The following USP25 variants were observed in gnomAD, a reference collection of about 807,000 sequenced individuals.
USP25 encodes ubiquitin specific peptidase 25.
Under a neutral mutation model 158.5 loss-of-function variants are expected in USP25, and 85 were observed. The observed-to-expected ratio is 0.54, with a 90% CI of 0.45 to 0.64. The LOEUF is 0.64. Ranked by LOEUF, USP25 falls within the 30% of genes least tolerant of loss-of-function variation. The pLI is 0.00. For synonymous variants in USP25, 464 were observed against 460.4 expected (o/e 1.01, Z -0.10); for missense variants, 1,242 against 1,327.3 (o/e 0.94, Z 1.00).
chr21:15,782,527 A>G (rs2035025076), intron 4 of USP25, among the ~76,000 whole-genome samples: 1 of 152,198 alleles, frequency 6.6e-6, no homozygotes, highest in Admixed American at 6.5e-5. Context: ...GGCCTGCTGC[A>G]TCAGCATGTG....
At chr21:15,835,157 A>G (rs977865410) in intron 17 of USP25, among the ~76,000 whole-genome samples, 1 of 152,178 alleles carries the variant, frequency 6.6e-6, no homozygotes, top group African/African-American at 2.4e-5. Context: ...GGGGCTGCAT[A>G]GTGTACTATA....
intron 9 of USP25, among the ~76,000 whole-genome samples, chr21:15,817,086 C>G (rs989889979): frequency 6.0e-5 from 9 of 149,508 alleles, no homozygotes; most frequent in African/African-American, 2.2e-4. Flanking sequence ...GAGCCGAGAT[C>G]ACACCACTGA....
intron 11 of USP25, 26 bp downstream of exon 11, chr21:15,824,192 T>C (rs997144864): frequency 1.9e-6 from 3 of 1,607,110 alleles, no homozygotes; most frequent in Admixed American, 1.7e-5. Flanking sequence ...CTGCATGACT[T>C]AGTTTGAAAC....
chr21:15,831,816 T>C (rs1346879642), intron 16 of USP25, among the ~76,000 whole-genome samples, 187 bp downstream of exon 16: 1 of 152,208 alleles, frequency 6.6e-6, no homozygotes, highest in Non-Finnish European at 1.5e-5. Flanking sequence ...TATTTTGTAT[T>C]CCAAGTCAAC....
chr21:15,876,971 C>T (rs1410237610), intron 24 of USP25: 2 of 151,918 alleles, frequency 1.3e-5, no homozygotes, highest in Non-Finnish European at 2.9e-5. Flanking sequence ...TCTTATGTTT[C>T]TTATTGCATG....
intron 18 of USP25, 52 bp downstream of exon 18, chr21:15,842,592 C>T (rs2038391787): frequency 6.3e-7 from 1 of 1,597,748 alleles, no homozygotes. Flanking sequence ...ACGACATTTC[C>T]TCCAGTATAG....
At chr21:15,744,586 T>TTTGTTGTTGTTGTTG (rs10635610) in intron 1 of USP25, among the ~76,000 whole-genome samples, 8 of 150,884 alleles carry the variant, frequency 5.3e-5, no homozygotes, top group East Asian at 2.0e-4. Flanking sequence ...GGTCTGCAGT[T>TTTGTTGTTGTTGTTG]TTGTTGTTGT....
intron 4 of USP25, among the ~76,000 whole-genome samples, chr21:15,780,542 TAA>T (rs1486145650): frequency 6.6e-6 from 1 of 152,226 alleles, no homozygotes; most frequent in Non-Finnish European, 1.5e-5. Context: ...AAGATAGTGC[TAA>T]GTTTTCTAGC....
At chr21:15,735,135 C>G (rs774532707) in intron 1 of USP25, among the ~76,000 whole-genome samples, 1 of 152,170 alleles carries the variant, frequency 6.6e-6, no homozygotes, top group Non-Finnish European at 1.5e-5. Flanking sequence ...CCTTGAATTC[C>G]TGATAAAACC....
At chr21:15,851,179 G>A (rs1020301334) in intron 20 of USP25, among the ~76,000 whole-genome samples, 3 of 149,378 alleles carry the variant, frequency 2.0e-5, no homozygotes, top group African/African-American at 7.3e-5. Context: ...AGTTATTTAT[G>A]ATTTACAGTG....
chr21:15,805,928 A>G (rs2036364681), intron 7 of USP25, among the ~76,000 whole-genome samples: 1 of 152,180 alleles, frequency 6.6e-6, no homozygotes, highest in Non-Finnish European at 1.5e-5. Context: ...TAAAGTACAT[A>G]CTTGGATGTG....
chr21:15,777,277 C>G (rs988314799), intron 3 of USP25, among the ~76,000 whole-genome samples: 1 of 152,146 alleles, frequency 6.6e-6, no homozygotes, highest in Non-Finnish European at 1.5e-5. Flanking sequence ...ATTTATTAAG[C>G]AATTCAGATT....
intron 1 of USP25, among the ~76,000 whole-genome samples, chr21:15,755,343 G>A (rs190359976): frequency 5.9e-5 from 9 of 152,240 alleles, no homozygotes; most frequent in East Asian, 1.9e-4. Context: ...GTCACCCACC[G>A]CTTAACACAA....
At chr21:15,852,446 A>C (rs2038932840) in intron 20 of USP25, among the ~76,000 whole-genome samples, 1 of 152,098 alleles carries the variant, frequency 6.6e-6, no homozygotes, top group African/African-American at 2.4e-5. Flanking sequence ...TATTTTATTG[A>C]GTCATTGTGA....
chr21:15,742,494 A>G (rs2032155073), intron 1 of USP25, among the ~76,000 whole-genome samples: 1 of 140,362 alleles, frequency 7.1e-6, no homozygotes, highest in Admixed American at 6.8e-5. Context: ...AGCTACAGAA[A>G]CACTGGGCTG....
intron 18 of USP25, among the ~76,000 whole-genome samples, chr21:15,842,840 A>G (rs935190144): frequency 6.6e-6 from 1 of 152,216 alleles, no homozygotes; most frequent in African/African-American, 2.4e-5. Context: ...TGTAAAATTT[A>G]GCAGTATTTC....
At chr21:15,731,669 T>A (rs896824645) in intron 1 of USP25, among the ~76,000 whole-genome samples, 3 of 152,222 alleles carry the variant, frequency 2.0e-5, no homozygotes, top group African/African-American at 7.2e-5. Flanking sequence ...TTTTGAGACT[T>A]GTATGTTAGT....
chr21:15,805,057 A>G (rs2036311991), intron 6 of USP25, 64 bp from the exon 7 acceptor site: 8 of 1,463,698 alleles, frequency 5.5e-6, no homozygotes, highest in Non-Finnish European at 7.2e-6. Context: ...ATGAATATTT[A>G]TTAGTAAAAA....
At chr21:15,807,087 C>A (rs1056055142) in intron 7 of USP25, among the ~76,000 whole-genome samples, 8 of 152,006 alleles carry the variant, frequency 5.3e-5, no homozygotes, top group African/African-American at 7.3e-5. Context: ...CCGCGCCTGG[C>A]AAATAATTTT....
Sources: allele counts gnomAD v4.1 joint callset (sites outside exome capture counted in the v4.1 genomes callset), GRCh38; gene constraint gnomAD v4.1.1; transcripts MANE v1.5; gene names NCBI Gene and HGNC (gene_info 2026-07-23, HGNC 2026-07-21).